ROBO1: variants seen among roughly 807,000 people sequenced by gnomAD.
ROBO1 encodes roundabout homolog 1.
In ROBO1, 149 loss-of-function variants were observed where a neutral mutation model predicts 195.9. That is an observed-to-expected ratio of 0.76 (90% CI 0.67 to 0.87). The LOEUF is 0.87. Among genes scored for constraint, ROBO1 ranks in the 40% least tolerant of loss-of-function variants. The pLI, the probability that ROBO1 is intolerant of heterozygous loss-of-function variation, is 0.00. For missense variants in ROBO1, 1,933 were observed against 2,068.3 expected (o/e 0.93, Z 1.27); for synonymous variants, 816 against 733.2 (o/e 1.11, Z -1.82).
intron 1 of ROBO1, among the ~76,000 whole-genome samples, chr3:79,729,495 GC>G (rs1468295347): frequency 2.0e-5 from 3 of 152,272 alleles, no homozygotes; most frequent in African/African-American, 7.2e-5. Context: ...AAAAAAAAGT[GC>G]TGTGTTTGTT....
chr3:78,871,695 G>C (rs1255229136), intron 4 of ROBO1, among the ~76,000 whole-genome samples: 2 of 140,024 alleles, frequency 1.4e-5, no homozygotes, highest in Non-Finnish European at 3.0e-5. Context: ...CTTTCATAGC[G>C]CTCAGTACTA....
At chr3:78,648,549 C>A (rs757546895) in intron 19 of ROBO1, among the ~76,000 whole-genome samples, 1 of 151,954 alleles carries the variant, frequency 6.6e-6, no homozygotes, top group Non-Finnish European at 1.5e-5. Context: ...ATTCCTCCCC[C>A]ACTTTTCCTA....
intron 26 of ROBO1, among the ~76,000 whole-genome samples, chr3:78,626,785 T>A (rs1453256430): frequency 1.3e-5 from 2 of 150,768 alleles, no homozygotes; most frequent in African/African-American, 2.4e-5. Context: ...ACACACACAC[T>A]ATATAATAAT....
intron 1 of ROBO1, among the ~76,000 whole-genome samples, chr3:79,749,327 A>C (rs1324339027): frequency 6.6e-6 from 1 of 152,242 alleles, no homozygotes; most frequent in African/African-American, 2.4e-5. Context: ...AAAAGCATTC[A>C]GTTTTATAAC....
intron 4 of ROBO1, among the ~76,000 whole-genome samples, chr3:78,799,493 C>T (rs1012358826): frequency 1.3e-5 from 2 of 152,104 alleles, no homozygotes; most frequent in African/African-American, 4.8e-5. Flanking sequence ...AGGCGCCCAC[C>T]ACCATGCCCG....
chr3:79,363,544 G>A (rs2035852171), intron 2 of ROBO1, among the ~76,000 whole-genome samples: 1 of 152,020 alleles, frequency 6.6e-6, no homozygotes, highest in African/African-American at 2.4e-5. Flanking sequence ...TATTTTTCCT[G>A]GAAGACCGTA....
intron 1 of ROBO1, among the ~76,000 whole-genome samples, chr3:79,760,235 T>TCAAAAAAA (rs1704616003): frequency 1.8e-4 from 1 of 5,444 alleles, no homozygotes; most frequent in Non-Finnish European, 3.6e-4. Context: ...AGACCCTATC[T>TCAAAAAAA]CAAAAAAAAA....
At chr3:79,736,055 T>A (rs1703372483) in intron 1 of ROBO1, among the ~76,000 whole-genome samples, 1 of 152,170 alleles carries the variant, frequency 6.6e-6, no homozygotes. Context: ...GTAAAAAAAA[T>A]TAAGTAAATG....
chr3:78,632,803 C>T (rs1331805691), intron 24 of ROBO1, among the ~76,000 whole-genome samples: 1 of 152,068 alleles, frequency 6.6e-6, no homozygotes, highest in Non-Finnish European at 1.5e-5. Context: ...ATTCAAAGAT[C>T]AAATGGCATA....
chr3:78,700,461 C>T lies in ROBO1; in HGVS notation c.1046-11689G>A, dbSNP rs193122041. On this transcript the variant is annotated intron_variant, in intron 8 of 30. Coordinates refer to ENST00000464233, the MANE Select transcript of ROBO1 (RefSeq NM_002941.4). The stretch of plus-strand genomic sequence containing the variant: ...AAGGTACATGATGACAGAATGATAA[C>T]GTTATTCAACTGGTAGTTAAACAAC... Among the ~76,000 whole-genome samples, 343 of 152,256 alleles carry T rather than the reference C, an allele frequency of 2.3e-3. 1 individual carries two copies. Among genetic ancestry groups the T allele is most frequent in the African/African-American group, 7.4e-3 (306 of 41,562 alleles).
intron 4 of ROBO1, among the ~76,000 whole-genome samples, chr3:78,838,316 A>G (rs376907489): frequency 1.3e-5 from 2 of 152,356 alleles, no homozygotes; most frequent in South Asian, 4.1e-4. Flanking sequence ...GGATGAATAC[A>G]TGACCAACAA....
chr3:78,954,435 T>A (rs2040940241), intron 3 of ROBO1, among the ~76,000 whole-genome samples: 2 of 152,058 alleles, frequency 1.3e-5, no homozygotes, highest in African/African-American at 4.8e-5. Context: ...TAATTGTGCA[T>A]CCGTAACACT....
chr3:79,140,105 A>G (rs957468862), intron 2 of ROBO1, among the ~76,000 whole-genome samples: 2 of 152,116 alleles, frequency 1.3e-5, no homozygotes, highest in African/African-American at 4.8e-5. Flanking sequence ...ATCACATCTG[A>G]GATCTTAAGT....
chr3:79,219,921 A>T (rs966792326), intron 2 of ROBO1, among the ~76,000 whole-genome samples: 1 of 152,208 alleles, frequency 6.6e-6, no homozygotes, highest in African/African-American at 2.4e-5. Flanking sequence ...ATGAGGTACA[A>T]ATGTAAGCCA....
intron 2 of ROBO1, among the ~76,000 whole-genome samples, chr3:79,356,083 G>T (rs1434213986): frequency 6.6e-6 from 1 of 152,126 alleles, no homozygotes; most frequent in Non-Finnish European, 1.5e-5. Context: ...GCTCACACTT[G>T]TAATCCCATT....
At chr3:78,913,902 G>A (rs1576390045) in intron 4 of ROBO1, among the ~76,000 whole-genome samples, 1 of 152,256 alleles carries the variant, frequency 6.6e-6, no homozygotes, top group South Asian at 2.1e-4. Context: ...TATTTCCCTA[G>A]GCTAGAGACC....
chr3:79,128,809 T>A (rs905007220), intron 2 of ROBO1, among the ~76,000 whole-genome samples: 6 of 152,178 alleles, frequency 3.9e-5, no homozygotes, highest in Admixed American at 2.0e-4. Flanking sequence ...TCTTGTTTTT[T>A]AAATTTGTTT....
At chr3:79,435,474 T>C (rs549124935) in intron 2 of ROBO1, among the ~76,000 whole-genome samples, 1 of 152,306 alleles carries the variant, frequency 6.6e-6, no homozygotes, top group African/African-American at 2.4e-5. Flanking sequence ...ATTTTGAGCC[T>C]ACCAGAGCGG....
chr3:78,659,704 T>C lies in ROBO1; in HGVS notation c.2424A>G (p.Gly808=), dbSNP rs1707262407. ...CTCATACCTTATACTCTTGGACCAT[T>C]CCATTTTGAGTGTCTTCTGGAGGTG... ...WQPPPEDTQN[G]MVQEYKVWCL... is the part of the protein sequence containing the mutation. Residue 808 remains glycine (G), a synonymous_variant, in exon 17 of 31, where the codon GGA becomes GGG. Coordinates refer to ENST00000464233, the MANE Select transcript of ROBO1 (RefSeq NM_002941.4). 6.4e-7 allele frequency: 1 copy of C among 1,553,844 alleles called. No individual in the cohort carries two copies. Among genetic ancestry groups the C allele is most frequent in the South Asian group, 1.2e-5 (1 of 84,320 alleles).
Sources: allele counts gnomAD v4.1 joint callset (sites outside exome capture counted in the v4.1 genomes callset), GRCh38; gene constraint gnomAD v4.1.1; transcripts MANE v1.5; gene names NCBI Gene and HGNC (gene_info 2026-07-23, HGNC 2026-07-21).